AEN: variants seen among roughly 807,000 people sequenced by gnomAD.
AEN encodes apoptosis-enhancing nuclease.
AEN carries 21 observed loss-of-function variants against 17.7 expected under a neutral mutation model. The observed-to-expected ratio is 1.19, with a 90% CI of 0.84 to 1.71. The LOEUF is 1.71. Among genes scored for constraint, AEN ranks in the 40% most tolerant of loss-of-function variants. AEN has a pLI of 0.00. For missense variants in AEN, 462 were observed against 435.9 expected (o/e 1.06, Z -0.53); for synonymous variants, 190 against 173.0 (o/e 1.10, Z -0.77).
the AEN span, among the ~76,000 whole-genome samples, chr15:88,616,053 T>C: frequency 6.6e-6 from 1 of 151,968 alleles, no homozygotes; most frequent in Non-Finnish European, 1.5e-5. Flanking sequence ...CTAAACAAGC[T>C]CTGTTATAAA....
intron 2 of AEN, chr15:88,627,761 TTTC>T (rs2057873220): frequency 6.6e-6 from 1 of 152,264 alleles, no homozygotes; most frequent in Non-Finnish European, 1.5e-5. Context: ...TGGATGCAGT[TTTC>T]TGCGTTCATT....
chr15:88,605,491 G>A, the AEN span, among the ~76,000 whole-genome samples: 1 of 152,356 alleles, frequency 6.6e-6, no homozygotes, highest in South Asian at 2.1e-4. The surrounding 1 kb of genome is among the most constrained non-coding windows in gnomAD (Gnocchi z 7.6). Context: ...AGCACCCAGA[G>A]AGCCCAGAGC....
chr15:88,630,359 C>T lies in AEN; in HGVS notation c.*65C>T. On this transcript the variant is annotated 3_prime_UTR_variant, in exon 4 of 4. Coordinates refer to ENST00000332810, the MANE Select transcript of AEN (RefSeq NM_022767.4). This position sits in a 1 kb window ranked among gnomAD's most constrained non-coding sequence, Gnocchi z 5.1. Reference sequence around the variant, plus strand: ...CGGTAGGAAGTGGGGGCCAGGAGAGCAGCGGGCACTCCTTCCTGGGCAGGG... The same window carrying T: ...CGGTAGGAAGTGGGGGCCAGGAGAGTAGCGGGCACTCCTTCCTGGGCAGGG... 6.9e-7 allele frequency: 1 copy of T among 1,447,576 alleles called. No homozygotes were observed. 89.7% of individuals were successfully genotyped at this position (1,447,576 alleles called of 1,614,324 possible).
At chr15:88,607,985 T>C in the AEN span, 228 of 351,012 alleles carry the variant, frequency 6.5e-4, 1 homozygote, top group Non-Finnish European at 8.8e-4. Flanking sequence ...CAGCTATCAT[T>C]GATCACATCA....
At chr15:88,618,973 TTTTTGTGAAGACAGGA>T (rs1293934322), upstream of AEN, among the ~76,000 whole-genome samples, 1 of 152,156 alleles carries the variant, frequency 6.6e-6, no homozygotes, top group Non-Finnish European at 1.5e-5. Flanking sequence ...CATTTATTTA[TTTTTGTGAAGACAGGA>T]TCTTGCTATG....
At chr15:88,614,746 A>T in the AEN span, among the ~76,000 whole-genome samples, 5 of 152,168 alleles carry the variant, frequency 3.3e-5, no homozygotes, top group Non-Finnish European at 7.3e-5. Context: ...GGCAATTGTC[A>T]GTCTCAGCGA....
chr15:88,630,318 G>C lies in AEN; in HGVS notation c.*24G>C. The C allele has an allele frequency of 6.4e-7, 1 of 1,554,156 alleles. No homozygotes were observed. The highest frequency in any genetic ancestry group is 8.7e-7 in the Non-Finnish European group (1 of 1,147,808). ...GAGAAGGGGGCGGGGCTCCCTGGCT[G>C]GGCTTCCGGTGTGGCCGGTAGGAAG... is the stretch of plus-strand genomic sequence containing the variant. On this transcript the variant is annotated 3_prime_UTR_variant, in exon 4 of 4. Transcript: ENST00000332810. The surrounding 1 kb of genome is among the most constrained non-coding windows in gnomAD (Gnocchi z 5.1).
chr15:88,608,211 A>T, the AEN span: 1 of 519,820 alleles, frequency 1.9e-6, no homozygotes, highest in South Asian at 1.4e-5. Context: ...TGAGCAGGGT[A>T]CACAGAAGGA....
chr15:88,609,002 T>C, the AEN span, among the ~76,000 whole-genome samples: 11,211 of 152,234 alleles, frequency 0.074, 799 homozygotes, highest in East Asian at 0.41. Flanking sequence ...AAGTCAAAGT[T>C]CTTTCCCTTT....
chr15:88,610,695 A>C, the AEN span, among the ~76,000 whole-genome samples: 1 of 152,152 alleles, frequency 6.6e-6, no homozygotes, highest in South Asian at 2.1e-4. Context: ...GAATAAACCC[A>C]AGGATGGAAG....
the AEN span, among the ~76,000 whole-genome samples, chr15:88,605,928 G>A: frequency 6.6e-6 from 1 of 152,096 alleles, no homozygotes; most frequent in Non-Finnish European, 1.5e-5. This position sits in a 1 kb window ranked among gnomAD's most constrained non-coding sequence, Gnocchi z 7.6. Flanking sequence ...ACCCCACGCG[G>A]AGGAGGTCAG....
chr15:88,629,203 C>G, intron 2 of AEN, 23 bp from the exon 3 acceptor site: 1 of 1,612,954 alleles, frequency 6.2e-7, no homozygotes, highest in Non-Finnish European at 8.5e-7. Flanking sequence ...GGTGACCTCC[C>G]TGACTCCTCT....
chr15:88,626,379 C>T lies in AEN; in HGVS notation c.170C>T (p.Pro57Leu), dbSNP rs748683113. The T allele has an allele frequency of 3.7e-6, 6 of 1,612,782 alleles. No individual in the cohort carries two copies. Among genetic ancestry groups the T allele is most frequent in the Non-Finnish European group, 5.1e-6 (6 of 1,179,578 alleles). The change falls in exon 2 of 4, where the codon CCA (proline) becomes CTA (leucine). Residue 57 changes from proline (P) to leucine (L), a missense_variant. By Grantham distance (98) the Pro-to-Leu change is moderately conservative (BLOSUM62 -3). Coordinates refer to ENST00000332810, the MANE Select transcript of AEN (RefSeq NM_022767.4). ...GAGCAGGGGCTGCTGAGCATGCCTC[C>T]AGAACCAGGGTCCTCCCCACTGCCC... ...LQEQGLLSMP[P>L]EPGSSPLPTP...
chr15:88,623,584 C>T (rs2057814591), intron 1 of AEN, among the ~76,000 whole-genome samples: 1 of 152,144 alleles, frequency 6.6e-6, no homozygotes, highest in Non-Finnish European at 1.5e-5. Context: ...CTGTGTGTAC[C>T]AATGGACTTT....
the AEN span, among the ~76,000 whole-genome samples, chr15:88,613,375 A>G: frequency 6.6e-6 from 1 of 152,140 alleles, no homozygotes; most frequent in Non-Finnish European, 1.5e-5. Flanking sequence ...TCCTATTAGA[A>G]ATCTCATTTA....
rs192605986 is a variant in AEN at position 88,625,069 on chromosome 15, A to G, written c.-64-1077A>G. On this transcript the variant is annotated intron_variant, in intron 1 of 3. Coordinates refer to ENST00000332810, the MANE Select transcript of AEN (RefSeq NM_022767.4). ...ACATCAGACATTTCCTGTAGCAGCA[A>G]TGAACGACAGCACCTCTTATCCTAG... 2.1e-3 allele frequency among the ~76,000 whole-genome samples: 320 copies of G among 152,348 alleles called. 1 individual carries two copies. Among genetic ancestry groups the G allele is most frequent in the African/African-American group, 7.3e-3 (302 of 41,578 alleles).
At chr15:88,626,806 C>A in intron 2 of AEN, 57 bp downstream of exon 2, 1 of 1,540,232 alleles carries the variant, frequency 6.5e-7, no homozygotes, top group Non-Finnish European at 8.7e-7. Flanking sequence ...AAGAGCCACC[C>A]TGGGTTTGAA....
chr15:88,624,729 C>G (rs539573854), intron 1 of AEN, among the ~76,000 whole-genome samples: 8 of 152,202 alleles, frequency 5.3e-5, no homozygotes, highest in African/African-American at 1.9e-4. Context: ...ATTAAAAATA[C>G]AAAAATTAGC....
the AEN span, among the ~76,000 whole-genome samples, chr15:88,616,254 C>T: frequency 4.6e-5 from 7 of 152,214 alleles, no homozygotes; most frequent in East Asian, 7.7e-4. Flanking sequence ...TCACCATGCC[C>T]GTCTAATTTT....
Sources: gnomAD v4.1 joint callset for allele counts (sites outside exome capture counted in the v4.1 genomes callset) on GRCh38, gnomAD v4.1.1 for gene constraint, Gnocchi (gnomAD v3.1) non-coding constraint, MANE v1.5 for transcripts, NCBI Gene and HGNC (gene_info 2026-07-23, HGNC 2026-07-21) for gene names.